The following CCSER1 variants were observed in gnomAD, a reference collection of about 807,000 sequenced individuals.
CCSER1 encodes coiled-coil serine rich protein 1, also known as serine-rich coiled-coil domain-containing protein 1.
In CCSER1, 41 loss-of-function variants were observed where a neutral mutation model predicts 82.0. The observed-to-expected ratio is 0.50, with a 90% CI of 0.39 to 0.65. The LOEUF is 0.65. Ranked by LOEUF, CCSER1 falls within the 30% of genes least tolerant of loss-of-function variation. The pLI is 0.00. For missense variants in CCSER1, 1,119 were observed against 1,064.2 expected (o/e 1.05, Z -0.72); for synonymous variants, 414 against 383.9 (o/e 1.08, Z -0.92).
chr4:91,469,855 G>A (rs192549025), intron 10 of CCSER1, among the ~76,000 whole-genome samples: 1 of 152,282 alleles, frequency 6.6e-6, no homozygotes, highest in Non-Finnish European at 1.5e-5. Context: ...ACTAAGTGGT[G>A]CAATCATAGA....
intron 1 of CCSER1, among the ~76,000 whole-genome samples, chr4:90,288,112 C>G (rs1283994497): frequency 6.6e-6 from 1 of 151,974 alleles, no homozygotes; most frequent in African/African-American, 2.4e-5. Flanking sequence ...ATGTCGTTAT[C>G]TCTCCTTTGG....
chr4:90,171,090 A>G (rs1487896423), intron 1 of CCSER1, among the ~76,000 whole-genome samples: 1 of 151,804 alleles, frequency 6.6e-6, no homozygotes. Context: ...GCCTGTTTCA[A>G]AAGATCTCAT....
At chr4:90,467,426 C>G (rs1763788344) in intron 4 of CCSER1, among the ~76,000 whole-genome samples, 1 of 151,822 alleles carries the variant, frequency 6.6e-6, no homozygotes, top group Non-Finnish European at 1.5e-5. Flanking sequence ...TGGCTCATGC[C>G]TGTAATCCCA....
At chr4:90,273,768 CT>C in intron 1 of CCSER1, among the ~76,000 whole-genome samples, 1 of 152,234 alleles carries the variant, frequency 6.6e-6, no homozygotes, top group East Asian at 1.9e-4. Flanking sequence ...GTGATTTCCT[CT>C]TCTGCACCAC....
chr4:91,234,588 G>A (rs763546947), intron 10 of CCSER1, among the ~76,000 whole-genome samples: 2 of 152,062 alleles, frequency 1.3e-5, no homozygotes, highest in Non-Finnish European at 2.9e-5. Context: ...TGTGGGATAT[G>A]AGACTATACA....
chr4:91,258,537 A>G (rs1200633131), intron 10 of CCSER1, among the ~76,000 whole-genome samples: 1 of 152,102 alleles, frequency 6.6e-6, no homozygotes, highest in Non-Finnish European at 1.5e-5. Flanking sequence ...TTTAAACATC[A>G]GTTGACTGAT....
intron 4 of CCSER1, among the ~76,000 whole-genome samples, chr4:90,436,772 A>G (rs1759052780): frequency 6.6e-6 from 1 of 151,782 alleles, no homozygotes; most frequent in African/African-American, 2.4e-5. Flanking sequence ...ACATATATGT[A>G]TTATATTAGC....
chr4:90,412,853 A>G (rs1010536912), intron 4 of CCSER1, among the ~76,000 whole-genome samples: 3 of 152,188 alleles, frequency 2.0e-5, no homozygotes, highest in Admixed American at 2.0e-4. Flanking sequence ...GAACAAGACA[A>G]AGATGCTCAC....
chr4:90,352,401 C>T (rs1355369440), intron 3 of CCSER1, among the ~76,000 whole-genome samples: 1 of 151,958 alleles, frequency 6.6e-6, no homozygotes, highest in East Asian at 1.9e-4. Context: ...CGGTGACTGA[C>T]ACCTGTAATA....
At position 90,798,618 on chromosome 4, in the gene CCSER1, C is replaced by A. The variant is rs774902668; in HGVS notation, c.2011-17144C>A. Among the ~76,000 whole-genome samples, 3 of 152,278 alleles carry A rather than the reference C, an allele frequency of 2.0e-5. No homozygotes were observed. The South Asian group carries it at 6.2e-4, about 32-fold the overall frequency. ...TCATCTTTGTGGGCTTATCTACCTT[C>A]AGTGTTTGATATTGCTGACATTTGC... On this transcript the variant is annotated intron_variant, in intron 7 of 10. Transcript: ENST00000509176.
At chr4:90,298,084 G>C (rs1377094799) in intron 1 of CCSER1, among the ~76,000 whole-genome samples, 8 of 152,062 alleles carry the variant, frequency 5.3e-5, no homozygotes, top group Non-Finnish European at 1.2e-4. Flanking sequence ...GTTCCTCCTT[G>C]TACCTCTGGT....
intron 9 of CCSER1, among the ~76,000 whole-genome samples, chr4:91,004,590 C>T (rs1368125145): frequency 6.6e-6 from 1 of 152,162 alleles, no homozygotes; most frequent in Non-Finnish European, 1.5e-5. Flanking sequence ...AACTTAAGAA[C>T]CTTCCAAAAG....
intron 6 of CCSER1, among the ~76,000 whole-genome samples, chr4:90,648,284 G>GAAA (rs1333719884): frequency 5.6e-5 from 5 of 89,956 alleles, no homozygotes; most frequent in East Asian, 5.8e-4. Flanking sequence ...GAGAAAGAAA[G>GAAA]GAAAGAAAGA....
In CCSER1 at chr4:91,496,794, ATAT is replaced by A. The variant is rs1560717193; in HGVS notation, c.2218-101776_2218-101774del. 3.1e-4 allele frequency among the ~76,000 whole-genome samples: 20 copies of A among 65,308 alleles called. 4 individuals are homozygous for A. In the East Asian group the frequency reaches 3.9e-3, roughly 13 times the overall value. The allele number at this position is 65,308 out of a possible 152,430, so 42.8% of individuals were successfully genotyped here. ...TATATATTGAATATATATTGAATAT[ATAT>A]TTGAATATATATATATTCAATATAT... On this transcript the variant is annotated intron_variant, in intron 10 of 10. Coordinates refer to ENST00000509176, the MANE Select transcript of CCSER1 (RefSeq NM_001145065.2).
chr4:90,657,260 A>G (rs1233563129), intron 6 of CCSER1, among the ~76,000 whole-genome samples: 1 of 152,026 alleles, frequency 6.6e-6, no homozygotes, highest in Non-Finnish European at 1.5e-5. Flanking sequence ...TTTATTTTCA[A>G]TGCTTTCATT....
intron 10 of CCSER1, among the ~76,000 whole-genome samples, chr4:91,440,315 T>C (rs1339863104): frequency 6.6e-6 from 1 of 152,028 alleles, no homozygotes; most frequent in African/African-American, 2.4e-5. Context: ...AGAAACTCAC[T>C]CAAAACCGCT....
intron 10 of CCSER1, among the ~76,000 whole-genome samples, chr4:91,092,639 A>C (rs922778708): frequency 1.3e-5 from 2 of 152,340 alleles, no homozygotes; most frequent in South Asian, 4.1e-4. Flanking sequence ...GGGTAGTTTC[A>C]TGTACAGCCA....
At chr4:90,203,139 A>G (rs1026775807) in intron 1 of CCSER1, among the ~76,000 whole-genome samples, 1 of 152,198 alleles carries the variant, frequency 6.6e-6, no homozygotes, top group Non-Finnish European at 1.5e-5. Flanking sequence ...TACTATCATG[A>G]TTTGTCACAT....
chr4:90,933,743 T>C (rs1730574690), intron 9 of CCSER1, among the ~76,000 whole-genome samples: 1 of 152,000 alleles, frequency 6.6e-6, no homozygotes, highest in South Asian at 2.1e-4. Flanking sequence ...ATATAAATGC[T>C]GGATTATGTA....
Sources: allele counts gnomAD v4.1 joint callset (sites outside exome capture counted in the v4.1 genomes callset), GRCh38; gene constraint gnomAD v4.1.1; transcripts MANE v1.5; gene names NCBI Gene and HGNC (gene_info 2026-07-23, HGNC 2026-07-21).